The following JMY variants were observed in gnomAD, a reference collection of about 807,000 sequenced individuals.
The protein encoded by JMY is junction-mediating and -regulatory protein.
In JMY, 46 loss-of-function variants were observed where a neutral mutation model predicts 103.3. The ratio of observed to expected loss-of-function variants is 0.45; its 90% CI spans 0.35 to 0.57. The LOEUF is 0.57. JMY is among the 20% of genes least tolerant of loss of function. The probability of loss-of-function intolerance (pLI) is 0.00; values close to 1 mark genes in which losing one functional copy is unlikely to be tolerated. For synonymous variants in JMY, 526 were observed against 489.3 expected (o/e 1.07, Z -0.99); for missense variants, 1,238 against 1,255.2 (o/e 0.99, Z 0.21).
chr5:79,270,690 T>C (rs1213414991), intron 1 of JMY, among the ~76,000 whole-genome samples: 4 of 144,258 alleles, frequency 2.8e-5, no homozygotes, highest in African/African-American at 7.5e-5. Flanking sequence ...TTTATATTAA[T>C]ATATTTATAT....
chr5:79,321,254 C>T (rs1010020378), intron 10 of JMY, among the ~76,000 whole-genome samples: 2 of 152,184 alleles, frequency 1.3e-5, no homozygotes, highest in African/African-American at 2.4e-5. Flanking sequence ...ATCCTGTCCT[C>T]TAAATGTTAG....
rs1747667105 is a variant in JMY at position 79,326,932 on chromosome 5, TAC to T, written c.*5332_*5333del. 6.6e-6 allele frequency: 1 copy of T among 152,222 alleles called. No homozygotes were observed. The highest frequency in any genetic ancestry group is 6.5e-5 in the Admixed American group (1 of 15,288). 9.4% of individuals were successfully genotyped at this position (152,222 alleles called of 1,614,324 possible). The stretch of plus-strand genomic sequence containing the variant: ...AATTAACATCCTAAAGTATTAAAAG[TAC>T]AGAGGAAAAACTAAGCAAGCATTTA... On this transcript the variant is annotated 3_prime_UTR_variant, in exon 11 of 11. Coordinates refer to ENST00000396137, the MANE Select transcript of JMY (RefSeq NM_152405.5).
intron 1 of JMY, among the ~76,000 whole-genome samples, chr5:79,271,949 A>G (rs1745797357): frequency 6.6e-6 from 1 of 151,952 alleles, no homozygotes; most frequent in Non-Finnish European, 1.5e-5. Context: ...TGTCTCTACT[A>G]AAATACAAAA....
chr5:79,298,599 A>G (rs1276186311), intron 4 of JMY, among the ~76,000 whole-genome samples: 1 of 152,226 alleles, frequency 6.6e-6, no homozygotes, highest in Non-Finnish European at 1.5e-5. Context: ...TTTGTCACCC[A>G]TAAAATATTT....
intron 4 of JMY, among the ~76,000 whole-genome samples, chr5:79,294,064 A>T (rs1299023635): frequency 6.6e-6 from 1 of 152,130 alleles, no homozygotes; most frequent in Admixed American, 6.5e-5. Context: ...AAATAAGGAG[A>T]TTTTCTATAT....
At position 79,323,283 on chromosome 5, in the gene JMY, T is replaced by TAATA. The variant is rs1379296490; in HGVS notation, c.*1682_*1685dup. 1.3e-5 allele frequency: 2 copies of TAATA among 152,242 alleles called. No homozygotes were observed. The highest frequency in any genetic ancestry group is 1.3e-4 in the Admixed American group (2 of 15,286). The allele number at this position is 152,242 out of a possible 1,614,324, so 9.4% of individuals were successfully genotyped here. A position where few individuals can be genotyped will look rare whatever the true frequency, so the allele number is the denominator to read the frequency against. The stretch of plus-strand genomic sequence containing the variant: ...AATCTTTTATTTATTTAAATGTTAG[T>TAATA]AATACGTTTATTGATGAGACTAGGA... On this transcript the variant is annotated 3_prime_UTR_variant, in exon 11 of 11. Transcript: ENST00000396137.
chr5:79,252,483 G>C (rs548588300), intron 1 of JMY, among the ~76,000 whole-genome samples: 1 of 152,098 alleles, frequency 6.6e-6, no homozygotes, highest in South Asian at 2.1e-4. Flanking sequence ...AGGTCTGTTT[G>C]ACCTATGATG....
At position 79,326,059 on chromosome 5, in the gene JMY, G is replaced by A. The variant is rs1468903198; in HGVS notation, c.*4457G>A. The A allele has an allele frequency of 6.6e-6, 1 of 152,170 alleles. No homozygotes were observed. Among genetic ancestry groups the A allele is most frequent in the African/African-American group, 2.4e-5 (1 of 41,438 alleles). 9.4% of individuals were successfully genotyped at this position (152,170 alleles called of 1,614,324 possible). Reference sequence around the variant, plus strand: ...CTCTTCCCTTCTGCAGAGACATTATGCCACTGTAAGGTGCATGTACAGAAA... The same window carrying A: ...CTCTTCCCTTCTGCAGAGACATTATACCACTGTAAGGTGCATGTACAGAAA... On this transcript the variant is annotated 3_prime_UTR_variant, in exon 11 of 11. Coordinates refer to ENST00000396137, the MANE Select transcript of JMY (RefSeq NM_152405.5).
chr5:79,255,907 C>G (rs80086375), intron 1 of JMY, among the ~76,000 whole-genome samples: 19 of 152,364 alleles, frequency 1.2e-4, no homozygotes, highest in African/African-American at 3.6e-4. Flanking sequence ...CTGGGTCTCC[C>G]CCAAGGCCTG....
At chr5:79,256,718 T>C (rs1322321339) in intron 1 of JMY, among the ~76,000 whole-genome samples, 5 of 152,140 alleles carry the variant, frequency 3.3e-5, no homozygotes, top group Non-Finnish European at 2.9e-5. Flanking sequence ...TTCTTTCTTT[T>C]CTGCACCTGT....
chr5:79,301,790 C>G (rs1293563262), intron 6 of JMY, among the ~76,000 whole-genome samples: 2 of 152,090 alleles, frequency 1.3e-5, no homozygotes, highest in African/African-American at 4.8e-5. Flanking sequence ...CTGCACCAAC[C>G]AGGTAAACAT....
chr5:79,258,312 TTG>T (rs756473392), intron 1 of JMY, among the ~76,000 whole-genome samples: 27,198 of 115,688 alleles, frequency 0.24, 3,610 homozygotes, highest in South Asian at 0.39. Context: ...TTTGTTTTTG[TTG>T]TTTTTTTTTT....
chr5:79,279,619 T>C (rs1746050134), intron 2 of JMY, among the ~76,000 whole-genome samples: 1 of 152,200 alleles, frequency 6.6e-6, no homozygotes, highest in Non-Finnish European at 1.5e-5. Context: ...AGGTTGTCTG[T>C]GTGTCTTATT....
chr5:79,297,570 T>C (rs1207033235), intron 4 of JMY, among the ~76,000 whole-genome samples: 1 of 152,168 alleles, frequency 6.6e-6, no homozygotes, highest in East Asian at 1.9e-4. Flanking sequence ...ACATTGAAGA[T>C]TAGATAGACC....
At chr5:79,256,674 G>C (rs1245370351) in intron 1 of JMY, among the ~76,000 whole-genome samples, 6 of 152,142 alleles carry the variant, frequency 3.9e-5, no homozygotes, top group Non-Finnish European at 8.8e-5. Context: ...AAAGTGGTGG[G>C]ATTACAGACC....
At chr5:79,297,982 C>A (rs112190730) in intron 4 of JMY, among the ~76,000 whole-genome samples, 1,950 of 152,286 alleles carry the variant, frequency 0.013, 40 homozygotes, top group African/African-American at 0.043. Context: ...TGGCTCTGGG[C>A]TGCAGTCAGA....
chr5:79,237,160 G>C lies in JMY; in HGVS notation c.510G>C (p.Pro170=), dbSNP rs1434377710. 5 of 1,548,612 alleles carry C rather than the reference G, an allele frequency of 3.2e-6. No homozygotes were observed. The highest frequency in any genetic ancestry group is 4.4e-6 in the Non-Finnish European group (5 of 1,145,942). Residue 170 remains proline, a synonymous_variant, in exon 1 of 11, where the codon CCG becomes CCC. Transcript: ENST00000396137. ...GGGCAGCCGCTGCAGCAGCCCGGCC[G>C]GCGCCCAGAGAGGCCCAGGTGTCCT... The part of the protein sequence containing the change: ...AAGAAAAAAR[P]APREAQVSSV...
At chr5:79,306,285 G>GTATA in intron 6 of JMY, 90 bp from the exon 7 acceptor site, 2 of 840,122 alleles carry the variant, frequency 2.4e-6, no homozygotes, top group East Asian at 4.9e-5. Flanking sequence ...TCTGTAGGTG[G>GTATA]TATATATTAA....
intron 1 of JMY, among the ~76,000 whole-genome samples, chr5:79,255,124 T>C (rs914703318): frequency 7.5e-6 from 1 of 133,130 alleles, no homozygotes; most frequent in Non-Finnish European, 1.6e-5. Context: ...CATATCTCTC[T>C]CTCCTTTTTT....
Sources: allele counts gnomAD v4.1 joint callset (sites outside exome capture counted in the v4.1 genomes callset), GRCh38; gene constraint gnomAD v4.1.1; transcripts MANE v1.5; gene names NCBI Gene and HGNC (gene_info 2026-07-23, HGNC 2026-07-21).